RNF150: variants seen among roughly 807,000 people sequenced by gnomAD.
The protein encoded by RNF150 is ring finger protein 150.
RNF150 carries 24 observed loss-of-function variants against 39.3 expected under a neutral mutation model. That is an observed-to-expected ratio of 0.61 (90% CI 0.44 to 0.86). RNF150 has a LOEUF of 0.86. RNF150 is among the 40% of genes least tolerant of loss of function. The pLI is 0.00. For synonymous variants in RNF150, 255 were observed against 227.3 expected (o/e 1.12, Z -1.10); for missense variants, 502 against 587.8 (o/e 0.85, Z 1.51).
chr4:141,027,232 G>T (rs1414759037), intron 1 of RNF150, among the ~76,000 whole-genome samples: 1 of 152,126 alleles, frequency 6.6e-6, no homozygotes, highest in African/African-American at 2.4e-5. Context: ...TCTGATTCTG[G>T]AACCTTCTTG....
rs180814507 is a variant in RNF150, at chr4:141,069,872, T to A, written c.484+62453A>T. The stretch of plus-strand genomic sequence containing the variant: ...TAGAGGTGTTTGTAGTATTCTCTGA[T>A]GGTAGTTTGTATTTGTGGGATCGGT... On this transcript the variant is annotated intron_variant, in intron 1 of 6. Coordinates refer to ENST00000515673, the MANE Select transcript of RNF150 (RefSeq NM_020724.2). Among the ~76,000 whole-genome samples the A allele has an allele frequency of 2.5e-3, 384 of 152,316 alleles. 3 individuals are homozygous for A. Among genetic ancestry groups the A allele is most frequent in the Admixed American group, 3.7e-3 (56 of 15,300 alleles).
chr4:141,145,087 T>C (rs1727178454), intron 1 of RNF150, among the ~76,000 whole-genome samples: 1 of 152,158 alleles, frequency 6.6e-6, no homozygotes. Flanking sequence ...ATTTCACTTA[T>C]TCCAGAAAAA....
Position 140,866,344 on chromosome 4 carries a change from C to T in RNF150, c.*1917G>A, listed in dbSNP as rs1728708104. 6.6e-6 allele frequency: 1 copy of T among 152,172 alleles called. No homozygotes were observed. The highest frequency in any genetic ancestry group is 1.5e-5 in the Non-Finnish European group (1 of 68,040). The allele number at this position is 152,172 out of a possible 1,614,324, so 9.4% of individuals were successfully genotyped here. On this transcript the variant is annotated 3_prime_UTR_variant, in exon 7 of 7. Transcript: ENST00000515673. ...TGGGGACTCATGTTATTAAACCCTT[C>T]ACATTATAGATGAAGAAGCCGAGGC...
intron 1 of RNF150, among the ~76,000 whole-genome samples, chr4:141,175,203 C>A (rs1040874635): frequency 1.3e-5 from 2 of 152,182 alleles, no homozygotes; most frequent in African/African-American, 4.8e-5. Context: ...CCACATTAAG[C>A]CGATTCGCTG....
intron 5 of RNF150, among the ~76,000 whole-genome samples, chr4:140,918,652 A>G (rs2111297197): frequency 6.6e-6 from 1 of 152,074 alleles, no homozygotes; most frequent in East Asian, 1.9e-4. Flanking sequence ...TCCAATCAAT[A>G]CAAAAAGAGG....
chr4:140,888,295 C>T (rs960869153), intron 6 of RNF150, among the ~76,000 whole-genome samples: 9 of 152,068 alleles, frequency 5.9e-5, no homozygotes, highest in Admixed American at 2.0e-4. Flanking sequence ...TGTTTTGACC[C>T]GGAGCCTGGG....
intron 4 of RNF150, among the ~76,000 whole-genome samples, chr4:140,931,217 G>T (rs539337658): frequency 1.1e-4 from 17 of 152,140 alleles, no homozygotes; most frequent in African/African-American, 3.6e-4. Context: ...AAGATATTAT[G>T]TGATTATTAT....
At chr4:141,056,300 C>T (rs1736969166) in intron 1 of RNF150, among the ~76,000 whole-genome samples, 1 of 152,124 alleles carries the variant, frequency 6.6e-6, no homozygotes, top group African/African-American at 2.4e-5. Flanking sequence ...CTTTCGGAGG[C>T]TGAGGCAGGA....
chr4:140,912,592 G>C (rs1021685850), intron 5 of RNF150, among the ~76,000 whole-genome samples: 2 of 152,194 alleles, frequency 1.3e-5, no homozygotes, highest in Non-Finnish European at 2.9e-5. Context: ...GTGCTGGGCT[G>C]TTGTCCTAGT....
chr4:141,124,583 T>C (rs536494885), intron 1 of RNF150, among the ~76,000 whole-genome samples: 1 of 152,318 alleles, frequency 6.6e-6, no homozygotes, highest in Non-Finnish European at 1.5e-5. Flanking sequence ...GGCTACAGAA[T>C]GGTCCAGATG....
intron 6 of RNF150, among the ~76,000 whole-genome samples, chr4:140,870,782 T>C (rs1198046496): frequency 6.6e-6 from 1 of 152,022 alleles, no homozygotes; most frequent in Non-Finnish European, 1.5e-5. Context: ...GGACCATTCA[T>C]CTGTTTTTTG....
chr4:141,052,941 T>G (rs971006994), intron 1 of RNF150, among the ~76,000 whole-genome samples: 1 of 152,112 alleles, frequency 6.6e-6, no homozygotes, highest in African/African-American at 2.4e-5. Context: ...CATTTTTGAG[T>G]CTGGGATACC....
rs1560679463 is a variant in RNF150, at chr4:141,000,065, GAAGAAGAAGAAGAAGAAGAA to G, written c.485-32212_485-32193del. Among the ~76,000 whole-genome samples, 2 of 100,582 alleles carry G rather than the reference GAAGAAGAAGAAGAAGAAGAA, an allele frequency of 2.0e-5. 1 individual carries two copies. Among genetic ancestry groups the G allele is most frequent in the Non-Finnish European group, 4.2e-5 (2 of 47,136 alleles). The allele number at this position is 100,582 out of a possible 152,430, so 66.0% of individuals were successfully genotyped here. On this transcript the variant is annotated intron_variant, in intron 1 of 6. Coordinates refer to ENST00000515673, the MANE Select transcript of RNF150 (RefSeq NM_020724.2). ...AGAAGAAGAAGAAGAAGAAGAAGAA[GAAGAAGAAGAAGAAGAAGAA>G]GGAGAAGAAGAAGAAGAAGAAGAGG...
At chr4:141,129,119 GTA>G (rs1726830097) in intron 1 of RNF150, among the ~76,000 whole-genome samples, 1 of 152,204 alleles carries the variant, frequency 6.6e-6, no homozygotes, top group South Asian at 2.1e-4. Flanking sequence ...CCACTCCTAG[GTA>G]TATAATCAAG....
intron 1 of RNF150, among the ~76,000 whole-genome samples, chr4:141,045,909 C>T (rs950174429): frequency 6.6e-6 from 1 of 152,084 alleles, no homozygotes; most frequent in Non-Finnish European, 1.5e-5. Context: ...AACGGATCTT[C>T]TTAACTTTAC....
At chr4:141,109,036 G>T (rs1739303802) in intron 1 of RNF150, among the ~76,000 whole-genome samples, 1 of 152,172 alleles carries the variant, frequency 6.6e-6, no homozygotes, top group Non-Finnish European at 1.5e-5. Context: ...TTTCTGAGAT[G>T]ATTAAGTAAG....
chr4:141,138,294 A>G (rs1407129435), upstream of RNF150, among the ~76,000 whole-genome samples: 3 of 152,086 alleles, frequency 2.0e-5, no homozygotes, highest in Non-Finnish European at 2.9e-5. Context: ...ACATTAATTG[A>G]TTGGTGGATT....
chr4:141,033,494 T>G (rs369292179), intron 1 of RNF150, among the ~76,000 whole-genome samples: 20 of 152,194 alleles, frequency 1.3e-4, no homozygotes, highest in African/African-American at 4.6e-4. Context: ...TGTTGATATT[T>G]TAACCTCCCC....
At chr4:141,161,518 G>A (rs1727512252) in intron 1 of RNF150, among the ~76,000 whole-genome samples, 1 of 152,214 alleles carries the variant, frequency 6.6e-6, no homozygotes, top group Non-Finnish European at 1.5e-5. Flanking sequence ...CAAGCAGGCT[G>A]CACAAATTTG....
Sources: allele counts gnomAD v4.1 joint callset (sites outside exome capture counted in the v4.1 genomes callset), GRCh38; gene constraint gnomAD v4.1.1; transcripts MANE v1.5; gene names NCBI Gene and HGNC (gene_info 2026-07-23, HGNC 2026-07-21).